ARHGEF26: variants seen among roughly 807,000 people sequenced by gnomAD.
ARHGEF26 encodes Rho guanine nucleotide exchange factor (GEF) 26.
Under a neutral mutation model 89.4 loss-of-function variants are expected in ARHGEF26, and 59 were observed. The observed-to-expected ratio is 0.66, with a 90% confidence interval of 0.54 to 0.82. The LOEUF (loss-of-function observed/expected upper bound fraction) is 0.82. Among genes scored for constraint, ARHGEF26 ranks in the 40% least tolerant of loss-of-function variants. The pLI is 0.00. For synonymous variants in ARHGEF26, 500 were observed against 428.4 expected (o/e 1.17, Z -2.06); for missense variants, 1,234 against 1,085.6 (o/e 1.14, Z -1.92).
At chr3:154,203,044 G>T (rs1052945083) in intron 9 of ARHGEF26, among the ~76,000 whole-genome samples, 4 of 152,112 alleles carry the variant, frequency 2.6e-5, no homozygotes, top group Non-Finnish European at 4.4e-5. Flanking sequence ...TATTGAATAG[G>T]AGTGGGGAGA....
intron 4 of ARHGEF26, 130 bp downstream of exon 4, chr3:154,129,849 GA>G (rs1397864953): frequency 8.9e-7 from 1 of 1,125,784 alleles, no homozygotes; most frequent in Non-Finnish European, 1.2e-6. Context: ...TTTAGATTGT[GA>G]AATGTTTCTC....
chr3:154,217,967 G>A lies in ARHGEF26; in HGVS notation c.1935+9G>A, dbSNP rs948023357. 4.5e-6 allele frequency: 7 copies of A among 1,562,524 alleles called. No homozygotes were observed. The highest frequency in any genetic ancestry group is 3.3e-4 in the Middle Eastern group (2 of 6,030). On this transcript the variant is annotated intron_variant, in intron 10 of 14. Coordinates refer to ENST00000465093, the MANE Select transcript of ARHGEF26 (RefSeq NM_015595.4). ...TGGAATTTAAAATTAAGGTATTCTC[G>A]TACCTTGTTCATTACTGTTCTTGCC...
At chr3:154,183,030 G>A (rs1156911274) in intron 6 of ARHGEF26, among the ~76,000 whole-genome samples, 2 of 152,142 alleles carry the variant, frequency 1.3e-5, no homozygotes, top group South Asian at 2.1e-4. Flanking sequence ...TCAAACATGG[G>A]TTTTAGCTGA....
At chr3:154,134,447 C>T (rs559181366) in intron 4 of ARHGEF26, among the ~76,000 whole-genome samples, 2 of 152,216 alleles carry the variant, frequency 1.3e-5, no homozygotes, top group East Asian at 3.9e-4. Flanking sequence ...AGAGAAACTT[C>T]CGTTTTTAAA....
At chr3:154,158,164 T>C (rs1490508458) in intron 6 of ARHGEF26, among the ~76,000 whole-genome samples, 1 of 152,094 alleles carries the variant, frequency 6.6e-6, no homozygotes, top group Admixed American at 6.6e-5. Context: ...GAAGCCCTTT[T>C]TGAGATGCAT....
intron 7 of ARHGEF26, among the ~76,000 whole-genome samples, chr3:154,189,268 TAAC>T: frequency 6.6e-6 from 1 of 152,106 alleles, no homozygotes; most frequent in South Asian, 2.1e-4. Context: ...AGCTTAATGA[TAAC>T]ATCATCAGCA....
intron 6 of ARHGEF26, among the ~76,000 whole-genome samples, chr3:154,182,459 C>G (rs1305718721): frequency 6.6e-6 from 1 of 152,158 alleles, no homozygotes; most frequent in Non-Finnish European, 1.5e-5. Flanking sequence ...ACATTGCTGG[C>G]TGTGATTTTC....
intron 6 of ARHGEF26, among the ~76,000 whole-genome samples, chr3:154,164,264 T>A (rs1482741522): frequency 1.3e-5 from 2 of 152,076 alleles, no homozygotes; most frequent in Non-Finnish European, 2.9e-5. Context: ...AATTTTGAAA[T>A]CACCTATATG....
At chr3:154,140,183 A>G (rs1288196042) in intron 4 of ARHGEF26, among the ~76,000 whole-genome samples, 1 of 152,208 alleles carries the variant, frequency 6.6e-6, no homozygotes, top group African/African-American at 2.4e-5. Context: ...ATTTGTTTAC[A>G]TGCAGTTAAA....
chr3:154,222,495 C>G (rs1328241387), intron 10 of ARHGEF26, among the ~76,000 whole-genome samples: 1 of 152,192 alleles, frequency 6.6e-6, no homozygotes, highest in Non-Finnish European at 1.5e-5. Flanking sequence ...TCTTGGTTTT[C>G]TGAACCCTAA....
chr3:154,161,015 T>A (rs1559869770), intron 6 of ARHGEF26, among the ~76,000 whole-genome samples: 2 of 152,026 alleles, frequency 1.3e-5, no homozygotes, highest in Non-Finnish European at 2.9e-5. Flanking sequence ...AGAAGGGGAC[T>A]GTTGTACAGG....
At chr3:154,234,109 G>A (rs112773858) in intron 11 of ARHGEF26, among the ~76,000 whole-genome samples, 5 of 152,184 alleles carry the variant, frequency 3.3e-5, no homozygotes, top group East Asian at 1.9e-4. Context: ...TCCATCTGTC[G>A]GATTTGGGCC....
chr3:154,176,880 A>G (rs1368881689), intron 6 of ARHGEF26, among the ~76,000 whole-genome samples: 3 of 152,164 alleles, frequency 2.0e-5, no homozygotes, highest in African/African-American at 7.2e-5. Flanking sequence ...CTGGGCTTAA[A>G]CAATCCTCTT....
chr3:154,191,510 C>A, intron 8 of ARHGEF26, 92 bp downstream of exon 8: 6 of 1,440,856 alleles, frequency 4.2e-6, no homozygotes, highest in Non-Finnish European at 5.6e-6. Flanking sequence ...TAAATTGATG[C>A]ATATTTAAAG....
At chr3:154,149,295 T>C in intron 4 of ARHGEF26, 94 bp from the exon 5 acceptor site, 1 of 840,864 alleles carries the variant, frequency 1.2e-6, no homozygotes, top group East Asian at 2.7e-5. Context: ...TCCTAATTCA[T>C]TTTTGAAGGG....
intron 12 of ARHGEF26, among the ~76,000 whole-genome samples, chr3:154,251,230 G>GA (rs1220018354): frequency 1.3e-5 from 2 of 151,976 alleles, no homozygotes; most frequent in Admixed American, 6.6e-5. Context: ...TTTGTCCTCT[G>GA]AAAAAAATAG....
At chr3:154,165,019 G>A (rs1711925060) in intron 6 of ARHGEF26, among the ~76,000 whole-genome samples, 1 of 152,126 alleles carries the variant, frequency 6.6e-6, no homozygotes, top group Non-Finnish European at 1.5e-5. Context: ...TTTAAAAAAT[G>A]TATGTCACAG....
chr3:154,200,542 G>A (rs541858151), intron 9 of ARHGEF26, among the ~76,000 whole-genome samples: 16 of 151,918 alleles, frequency 1.1e-4, no homozygotes, highest in Non-Finnish European at 1.6e-4. Flanking sequence ...TGGCTATTCT[G>A]GGTCTTTTGT....
intron 10 of ARHGEF26, among the ~76,000 whole-genome samples, chr3:154,220,785 A>G (rs1716078994): frequency 6.6e-6 from 1 of 152,212 alleles, no homozygotes; most frequent in Non-Finnish European, 1.5e-5. Context: ...CTCCAAATCC[A>G]GAAGTCATTA....
Sources: allele counts gnomAD v4.1 joint callset (sites outside exome capture counted in the v4.1 genomes callset), GRCh38; gene constraint gnomAD v4.1.1; transcripts MANE v1.5; gene names NCBI Gene and HGNC (gene_info 2026-07-23, HGNC 2026-07-21).